The following ECE1 variants were observed in gnomAD, a reference collection of about 807,000 sequenced individuals.
ECE1 encodes the protein endothelin converting enzyme 1, also known as endothelin-converting enzyme 1.
ECE1 carries 35 observed loss-of-function variants against 98.6 expected under a neutral mutation model. The observed-to-expected ratio is 0.35, with a 90% CI of 0.27 to 0.47. The LOEUF is 0.47. ECE1 is among the 20% of genes least tolerant of loss of function. ECE1 has a pLI of 1.00. For missense variants in ECE1, 814 were observed against 1,025.3 expected, an observed-to-expected ratio of 0.79 and a Z score of 2.81; for synonymous variants, 394 against 407.1, an observed-to-expected ratio of 0.97 and a Z score of 0.39.
intron 8 of ECE1, among the ~76,000 whole-genome samples, chr1:21,253,931 T>C (rs2098216441): frequency 6.6e-6 from 1 of 151,238 alleles, no homozygotes; most frequent in South Asian, 2.1e-4. Context: ...TAGCCGGGCG[T>C]GGTGGTGCCT....
intron 17 of ECE1, among the ~76,000 whole-genome samples, chr1:21,222,341 CCTGGACAACCTCACAACAGCTTT>C (rs967005712): frequency 6.6e-6 from 1 of 152,148 alleles, no homozygotes; most frequent in African/African-American, 2.4e-5. Flanking sequence ...CTGTCTCTTG[CCTGGACAACCTCACAACAGCTTT>C]CTAATCAGTC....
Position 21,242,767 on chromosome 1 carries a change from A to G in ECE1, c.1278+2222T>C, listed in dbSNP as rs538251286. ...GTGGCCCAGGGAAGCTCACTCCATT[A>G]CTGACTAATTAATTAATTTTTTAAA... On this transcript the variant is annotated intron_variant, in intron 10 of 18. Transcript: ENST00000374893. Among the ~76,000 whole-genome samples, 4 of 152,214 alleles carry G rather than the reference A, an allele frequency of 2.6e-5. No homozygotes were observed. The East Asian group carries it at 7.8e-4, about 29-fold the overall frequency.
intron 1 of ECE1, among the ~76,000 whole-genome samples, chr1:21,324,708 C>T (rs1303148871): frequency 6.6e-6 from 1 of 152,218 alleles, no homozygotes; most frequent in Non-Finnish European, 1.5e-5. Context: ...ATCGGCCTCC[C>T]TGCTCTGGCA....
chr1:21,233,396 T>C lies in ECE1; in HGVS notation c.1670+162A>G. ...GGCCATACTTCTTTTGCCCTTGGTT[T>C]CTTCATCTGAAAAGTGGGATAACAA... On this transcript the variant is annotated intron_variant, in intron 14 of 18. Transcript: ENST00000374893. This position sits in a 1 kb window ranked among gnomAD's most constrained non-coding sequence, Gnocchi z 4.0. 1.6e-6 allele frequency: 1 copy of C among 623,998 alleles called. No homozygotes were observed. The highest frequency in any genetic ancestry group is 4.5e-4 in the Middle Eastern group (1 of 2,208). 38.7% of individuals were successfully genotyped at this position (623,998 alleles called of 1,614,324 possible).
intron 8 of ECE1, among the ~76,000 whole-genome samples, chr1:21,254,291 G>T (rs2098217095): frequency 6.6e-6 from 1 of 151,606 alleles, no homozygotes; most frequent in Non-Finnish European, 1.5e-5. Flanking sequence ...TGGGTACTTA[G>T]AACACAGAGG....
rs1272430791 is a variant in ECE1 at position 21,257,009 on chromosome 1, C to G, written c.828+516G>C. 2.0e-5 allele frequency among the ~76,000 whole-genome samples: 3 copies of G among 152,030 alleles called. No individual in the cohort carries two copies. In the East Asian group the frequency reaches 5.8e-4, roughly 29 times the overall value. ...TTCCAGGTGAGGTCGCCCCAAGAGG[C>G]ATCACAAGAGGCAGGCCAGGGGGAG... On this transcript the variant is annotated intron_variant, in intron 7 of 18. Transcript: ENST00000374893.
At chr1:21,242,283 C>T (rs1036219959) in intron 10 of ECE1, among the ~76,000 whole-genome samples, 5 of 152,178 alleles carry the variant, frequency 3.3e-5, no homozygotes, top group South Asian at 2.1e-4. Context: ...AATTCCATGC[C>T]GTTTCCTCAC....
intron 1 of ECE1, among the ~76,000 whole-genome samples, chr1:21,314,372 T>C (rs1638790928): frequency 6.6e-6 from 1 of 152,342 alleles, no homozygotes; most frequent in South Asian, 2.1e-4. Flanking sequence ...TGATACAGCC[T>C]GAGCTCCTCC....
In ECE1 at chr1:21,340,287, G is replaced by C. The variant is rs1399605017; in HGVS notation, c.3+5089C>G. On this transcript the variant is annotated intron_variant, in intron 1 of 18. Coordinates refer to the ECE1 transcript ENST00000415912. This position sits in a 1 kb window ranked among gnomAD's most constrained non-coding sequence, Gnocchi z 4.6. ...GGAAGGGTCAATACATTCAGGAGAA[G>C]GGGCTGTCTGGGACCTCTGTCTGGG... 6.6e-6 allele frequency among the ~76,000 whole-genome samples: 1 copy of C among 152,276 alleles called. No individual in the cohort carries two copies. The highest frequency in any genetic ancestry group is 1.5e-5 in the Non-Finnish European group (1 of 68,050).
upstream of ECE1, among the ~76,000 whole-genome samples, chr1:21,291,450 A>G (rs188543780): frequency 1.6e-3 from 242 of 152,328 alleles, 1 homozygote; most frequent in African/African-American, 5.5e-3. Context: ...AGTGAGGGCA[A>G]TGGCTCCAGA....
intron 10 of ECE1, among the ~76,000 whole-genome samples, chr1:21,241,265 A>G (rs2098195847): frequency 6.6e-6 from 1 of 151,986 alleles, no homozygotes; most frequent in Non-Finnish European, 1.5e-5. Context: ...CGAACTCCTG[A>G]CATCAGGTGA....
At chr1:21,320,858 T>G (rs776498017) in intron 1 of ECE1, among the ~76,000 whole-genome samples, 23 of 152,214 alleles carry the variant, frequency 1.5e-4, no homozygotes, top group Non-Finnish European at 3.2e-4. Context: ...AGCTCGGCTG[T>G]GCAGCCTCCC....
At chr1:21,223,890 G>A (rs536929148) in intron 17 of ECE1, among the ~76,000 whole-genome samples, 1 of 152,292 alleles carries the variant, frequency 6.6e-6, no homozygotes, top group East Asian at 1.9e-4. Flanking sequence ...GAGCCACTGC[G>A]CCCGGCTGAC....
chr1:21,316,470 C>T (rs974173379), intron 1 of ECE1, among the ~76,000 whole-genome samples: 1 of 151,990 alleles, frequency 6.6e-6, no homozygotes, highest in Non-Finnish European at 1.5e-5. Flanking sequence ...GATGGGGTTT[C>T]ACCATGTTGG....
chr1:21,250,705 C>T (rs1051754507), intron 8 of ECE1, among the ~76,000 whole-genome samples: 2 of 152,164 alleles, frequency 1.3e-5, no homozygotes, highest in Non-Finnish European at 2.9e-5. Context: ...TAGCCATAAA[C>T]CCCCGCTTAA....
intron 1 of ECE1, among the ~76,000 whole-genome samples, chr1:21,308,807 CGT>C (rs1638653890): frequency 6.6e-6 from 1 of 152,110 alleles, no homozygotes; most frequent in South Asian, 2.1e-4. Flanking sequence ...TCTCTGATGC[CGT>C]GTCTCAGAGC....
chr1:21,286,328 A>G (rs1331826463), intron 2 of ECE1, among the ~76,000 whole-genome samples: 1 of 152,228 alleles, frequency 6.6e-6, no homozygotes, highest in Non-Finnish European at 1.5e-5. Context: ...ATATCATGTC[A>G]CTCATAGTGA....
In ECE1 at chr1:21,327,230, T is replaced by C. The variant is rs2103408551; in HGVS notation, c.3+18146A>G. On this transcript the variant is annotated intron_variant, in intron 1 of 18. Coordinates refer to the ECE1 transcript ENST00000415912. This position sits in a 1 kb window ranked among gnomAD's most constrained non-coding sequence, Gnocchi z 4.6. ...CCAGGAATCTGGGGCCTGGAGTCCA[T>C]GTTTGGCTGGAAGGCCCTGGGATGG... is the stretch of plus-strand genomic sequence containing the variant. 6.6e-6 allele frequency among the ~76,000 whole-genome samples: 1 copy of C among 152,328 alleles called. No homozygotes were observed. The highest frequency in any genetic ancestry group is 1.9e-4 in the East Asian group (1 of 5,186).
intron 1 of ECE1, among the ~76,000 whole-genome samples, chr1:21,337,217 G>A (rs773484142): frequency 1.1e-3 from 168 of 152,286 alleles, no homozygotes; most frequent in Non-Finnish European, 1.8e-3. Context: ...ACATTTACAC[G>A]TACATCCACC....
Sources: gnomAD v4.1 joint callset for allele counts (sites outside exome capture counted in the v4.1 genomes callset) on GRCh38, gnomAD v4.1.1 for gene constraint, Gnocchi (gnomAD v3.1) non-coding constraint, MANE v1.5 for transcripts, NCBI Gene and HGNC (gene_info 2026-07-23, HGNC 2026-07-21) for gene names.